PCBP3: variants seen among roughly 807,000 people sequenced by gnomAD.
PCBP3 encodes poly(rC) binding protein 3, also known as poly(rC)-binding protein 3.
Under a neutral mutation model 52.7 loss-of-function variants are expected in PCBP3, and 25 were observed. The ratio of observed to expected loss-of-function variants is 0.47; its 90% CI spans 0.35 to 0.66. The LOEUF (loss-of-function observed/expected upper bound fraction) is 0.66, where lower values mean the gene tolerates loss of function less well. PCBP3 is among the 30% of genes least tolerant of loss of function. PCBP3 has a pLI of 0.01. For missense variants in PCBP3, 391 were observed against 490.3 expected, an observed-to-expected ratio of 0.80 and a Z score of 1.91; for synonymous variants, 162 against 183.0, an observed-to-expected ratio of 0.89 and a Z score of 0.93.
At chr21:45,868,861 A>C (rs1442069769) in intron 5 of PCBP3, among the ~76,000 whole-genome samples, 1 of 152,206 alleles carries the variant, frequency 6.6e-6, no homozygotes. Context: ...GGAGCCCCGC[A>C]GGACGTGGGG....
chr21:45,874,276 C>T (rs1460825387), intron 5 of PCBP3, among the ~76,000 whole-genome samples: 1 of 152,216 alleles, frequency 6.6e-6, no homozygotes, highest in East Asian at 1.9e-4. Context: ...TTAAAATCAG[C>T]TTGTCTATGG....
At chr21:45,932,718 G>C (rs2149524534) in intron 15 of PCBP3, among the ~76,000 whole-genome samples, 1 of 150,128 alleles carries the variant, frequency 6.7e-6, no homozygotes, top group Non-Finnish European at 1.5e-5. Context: ...TGAACACATT[G>C]GCCATGCTGT....
chr21:45,759,149 GT>G (rs1274357925), intron 4 of PCBP3, among the ~76,000 whole-genome samples: 3 of 152,116 alleles, frequency 2.0e-5, no homozygotes, highest in Admixed American at 2.0e-4. Context: ...CTTTGTATAG[GT>G]TTGCTGTTAA....
intron 6 of PCBP3, among the ~76,000 whole-genome samples, chr21:45,899,053 G>A (rs1322329979): frequency 2.0e-5 from 3 of 148,422 alleles, no homozygotes; most frequent in East Asian, 2.0e-4. Context: ...TCCCGCTGCT[G>A]GACAGGGAGA....
intron 5 of PCBP3, chr21:45,893,963 C>T (rs1452390632): frequency 1.1e-5 from 11 of 985,422 alleles, no homozygotes; most frequent in African/African-American, 1.7e-5. Context: ...GGAAGGACAG[C>T]AGCAGCCGCA....
intron 4 of PCBP3, among the ~76,000 whole-genome samples, chr21:45,846,147 A>G (rs924738265): frequency 6.6e-6 from 1 of 152,144 alleles, no homozygotes; most frequent in Admixed American, 6.5e-5. Context: ...TCGTTCTGTC[A>G]TGTCACTCTC....
At chr21:45,692,696 A>G (rs1036463579) in intron 2 of PCBP3, among the ~76,000 whole-genome samples, 1 of 152,184 alleles carries the variant, frequency 6.6e-6, no homozygotes, top group Non-Finnish European at 1.5e-5. Flanking sequence ...TCATTCTACC[A>G]GATGTTTTTA....
chr21:45,920,831 T>C (rs2074337130), intron 13 of PCBP3, among the ~76,000 whole-genome samples: 1 of 152,206 alleles, frequency 6.6e-6, no homozygotes, highest in South Asian at 2.1e-4. Context: ...CACTTTGATC[T>C]CCAGTTTCCA....
intron 9 of PCBP3, among the ~76,000 whole-genome samples, chr21:45,903,095 G>A (rs7278253): frequency 0.14 from 20,651 of 152,126 alleles, 2,091 homozygotes; most frequent in African/African-American, 0.29. Flanking sequence ...TTCCTAAGAT[G>A]TCTGAGGTAT....
chr21:45,926,583 A>G (rs1471349126), intron 13 of PCBP3, among the ~76,000 whole-genome samples: 1 of 152,164 alleles, frequency 6.6e-6, no homozygotes, highest in Non-Finnish European at 1.5e-5. Context: ...CACAGGAAGG[A>G]AGCCGTCTAT....
chr21:45,726,307 T>C (rs2085038690), intron 2 of PCBP3, among the ~76,000 whole-genome samples: 1 of 151,942 alleles, frequency 6.6e-6, no homozygotes, highest in African/African-American at 2.4e-5. Context: ...AGGAGATTAA[T>C]TTAGGAAATT....
chr21:45,916,411 A>G (rs1358271889), intron 12 of PCBP3: 1 of 152,190 alleles, frequency 6.6e-6, no homozygotes, highest in Non-Finnish European at 1.5e-5. Flanking sequence ...TCCTCAGCTG[A>G]CGCAGCACTG....
intron 4 of PCBP3, chr21:45,762,943 T>C (rs2088863322): frequency 6.6e-6 from 1 of 152,270 alleles, no homozygotes; most frequent in Non-Finnish European, 1.5e-5. Flanking sequence ...GGCTTTTCTG[T>C]CTCATCACTT....
Position 45,735,227 on chromosome 21 carries a change from A to G in PCBP3, c.-199-165A>G, listed in dbSNP as rs1039420283. 5.9e-5 allele frequency among the ~76,000 whole-genome samples: 9 copies of G among 152,188 alleles called. No homozygotes were observed. Among genetic ancestry groups the G allele is most frequent in the South Asian group, 2.1e-4 (1 of 4,826 alleles). ...TTTTATGGAATTCTTTCTCTGGGAAACTGTCTTTGACCTTCCCAATAACTG... is the reference window on the plus strand; with the variant it reads ...TTTTATGGAATTCTTTCTCTGGGAAGCTGTCTTTGACCTTCCCAATAACTG... On this transcript the variant is annotated intron_variant, in intron 2 of 17. Coordinates refer to ENST00000681687, the MANE Select transcript of PCBP3 (RefSeq NM_001384156.1). This position sits in a 1 kb window ranked among gnomAD's most constrained non-coding sequence, Gnocchi z 4.0.
intron 14 of PCBP3, among the ~76,000 whole-genome samples, 184 bp from the exon 15 acceptor site, chr21:45,930,602 C>A (rs1049223662): frequency 1.3e-5 from 2 of 152,136 alleles, no homozygotes; most frequent in Non-Finnish European, 2.9e-5. Context: ...GACAACCCCC[C>A]TCTCCCCCTG....
intron 4 of PCBP3, among the ~76,000 whole-genome samples, chr21:45,807,347 A>G (rs1266392383): frequency 6.6e-6 from 1 of 152,230 alleles, no homozygotes; most frequent in African/African-American, 2.4e-5. Flanking sequence ...AAGTCTCAGG[A>G]TACAAAATCA....
rs2080019046 is a variant in PCBP3, at chr21:45,656,404, A to G, written c.-278-12470A>G. On this transcript the variant is annotated intron_variant, in intron 1 of 17. Coordinates refer to ENST00000681687, the MANE Select transcript of PCBP3 (RefSeq NM_001384156.1). The surrounding 1 kb of genome is among the most constrained non-coding windows in gnomAD (Gnocchi z 4.3). ...AAACTAACACAAGAACAGAAAACCA[A>G]ACACCGCATGTTCTCACTCATAAGT... Among the ~76,000 whole-genome samples, 5 of 152,286 alleles carry G rather than the reference A, an allele frequency of 3.3e-5. No homozygotes were observed. In the South Asian group the frequency reaches 1.0e-3, roughly 32 times the overall value.
At chr21:45,660,135 G>A (rs1286033019) in intron 1 of PCBP3, among the ~76,000 whole-genome samples, 2 of 151,360 alleles carry the variant, frequency 1.3e-5, no homozygotes, top group Non-Finnish European at 2.9e-5. Context: ...TATTTTATAT[G>A]TATACACACA....
intron 7 of PCBP3, 60 bp from the exon 8 acceptor site, chr21:45,900,531 C>T (rs796885706): frequency 4.4e-6 from 6 of 1,377,476 alleles, no homozygotes; most frequent in Non-Finnish European, 6.2e-6. Context: ...CCACCATGGG[C>T]CGCGCCGTCC....
Sources: allele counts gnomAD v4.1 joint callset (sites outside exome capture counted in the v4.1 genomes callset), GRCh38; gene constraint gnomAD v4.1.1; non-coding constraint Gnocchi (gnomAD v3.1); transcripts MANE v1.5; gene names NCBI Gene and HGNC (gene_info 2026-07-23, HGNC 2026-07-21).